The following DAP3 variants were observed in gnomAD, a reference collection of about 807,000 sequenced individuals.
DAP3 encodes small ribosomal subunit protein mS29.
A neutral mutation model predicts 51.9 loss-of-function variants in DAP3; 28 were observed. That is an observed-to-expected ratio of 0.54 (90% CI 0.40 to 0.74). DAP3 has a LOEUF of 0.74. Ranked by LOEUF, DAP3 falls within the 30% of genes least tolerant of loss-of-function variation. DAP3 has a pLI of 0.00. For missense variants in DAP3, 458 were observed against 483.5 expected (o/e 0.95, Z 0.49); for synonymous variants, 170 against 170.3 (o/e 1.00, Z 0.01).
At chr1:155,698,418 C>T (rs560077624) in intron 1 of DAP3, among the ~76,000 whole-genome samples, 11 of 152,272 alleles carry the variant, frequency 7.2e-5, no homozygotes, top group African/African-American at 2.4e-4. Context: ...TGGCTTCAGC[C>T]GGTCCCTCTG....
chr1:155,715,528 A>G (rs1044170717), intron 2 of DAP3, among the ~76,000 whole-genome samples: 17 of 150,270 alleles, frequency 1.1e-4, no homozygotes, highest in Non-Finnish European at 2.2e-4. Context: ...TCTTAAAAAA[A>G]AGAGAGAGAG....
intron 1 of DAP3, among the ~76,000 whole-genome samples, chr1:155,704,455 T>C (rs1202638776): frequency 6.6e-6 from 1 of 152,142 alleles, no homozygotes. Context: ...GTAGTGGTTG[T>C]GCCGGGGAGC....
At chr1:155,706,245 G>A (rs1655951174) in intron 1 of DAP3, among the ~76,000 whole-genome samples, 1 of 152,054 alleles carries the variant, frequency 6.6e-6, no homozygotes, top group African/African-American at 2.4e-5. Flanking sequence ...GGCTCAAGCA[G>A]TCTTCTCATC....
intron 3 of DAP3, among the ~76,000 whole-genome samples, chr1:155,717,537 T>C (rs574445693): frequency 2.0e-5 from 3 of 152,348 alleles, no homozygotes; most frequent in Non-Finnish European, 2.9e-5. Flanking sequence ...TGGACTGAGA[T>C]GATCTGTCAC....
rs560216710 is a variant in DAP3 at position 155,717,028 on chromosome 1, A to C, written c.68A>C (p.His23Pro). ...IHKLDPGRFL[H>P]MGTQARQSIA... is the part of the protein sequence containing the mutation. ...TAGTTGGACCCTGGGCGTTTTTTAC[A>C]CATGGGGACCCAGGCTCGCCAAAGC... The change falls in exon 3 of 13, where the codon CAC (histidine) becomes CCC (proline). Residue 23 changes from histidine to proline, a missense_variant. His to Pro is a moderately conservative substitution (Grantham distance 77, BLOSUM62 -2). Coordinates refer to ENST00000368336, the MANE Select transcript of DAP3 (RefSeq NM_004632.4). 1.9e-6 allele frequency: 3 copies of C among 1,613,904 alleles called. No homozygotes were observed. In the East Asian group the frequency reaches 6.7e-5, roughly 36 times the overall value.
chr1:155,709,111 G>T (rs536382228), intron 1 of DAP3: 1 of 152,046 alleles, frequency 6.6e-6, no homozygotes, highest in Admixed American at 6.5e-5. Flanking sequence ...ACCTCCCAAA[G>T]TGCTGGGATT....
chr1:155,729,221 T>C lies in DAP3; in HGVS notation c.698T>C (p.Val233Ala). The change falls in exon 9 of 13, where the codon GTG becomes GCG. Residue 233 changes from valine to alanine, a missense_variant. Physicochemically the swap from Val to Ala is moderately conservative, Grantham distance 64 (BLOSUM62 0). Coordinates refer to ENST00000368336, the MANE Select transcript of DAP3 (RefSeq NM_004632.4). Reference sequence around the variant, plus strand: ...CTCTCCCAATAGGGCATAACACGGGTGAGGAACGCCACAGATGCAGTTGGA... The same window carrying C: ...CTCTCCCAATAGGGCATAACACGGGCGAGGAACGCCACAGATGCAGTTGGA... ...GEVVEQGITR[V>A]RNATDAVGIV... is the part of the protein sequence containing the mutation. 6.2e-7 allele frequency: 1 copy of C among 1,614,016 alleles called. No individual in the cohort carries two copies. Among genetic ancestry groups the C allele is most frequent in the African/African-American group, 1.3e-5 (1 of 74,960 alleles).
At chr1:155,714,626 G>A (rs551276196) in intron 2 of DAP3, among the ~76,000 whole-genome samples, 3 of 152,102 alleles carry the variant, frequency 2.0e-5, no homozygotes, top group South Asian at 2.1e-4. Flanking sequence ...TTAGTCAGGC[G>A]TGATGGCGGG....
chr1:155,717,226 A>C (rs1657447881), intron 3 of DAP3, 98 bp downstream of exon 3: 1 of 1,552,928 alleles, frequency 6.4e-7, no homozygotes, highest in South Asian at 1.2e-5. Flanking sequence ...GAAGCTTAGT[A>C]GATTTGCATT....
intron 1 of DAP3, among the ~76,000 whole-genome samples, chr1:155,704,735 T>G (rs1319424336): frequency 1.3e-5 from 2 of 152,094 alleles, no homozygotes; most frequent in African/African-American, 4.8e-5. Context: ...ATCCCAATAC[T>G]TTGGGGGGCT....
At chr1:155,721,445 C>CATAGA in intron 3 of DAP3, 72 bp from the exon 4 acceptor site, 1 of 1,272,082 alleles carries the variant, frequency 7.9e-7, no homozygotes. Flanking sequence ...TATACACACA[C>CATAGA]ATAGATAAGA....
chr1:155,708,540 G>GTTTT (rs151238139), intron 1 of DAP3, among the ~76,000 whole-genome samples: 6 of 103,254 alleles, frequency 5.8e-5, no homozygotes, highest in Non-Finnish European at 1.1e-4. Context: ...TTCTGTTTTT[G>GTTTT]TTTTTTTTTT....
intron 1 of DAP3, among the ~76,000 whole-genome samples, chr1:155,706,178 C>T (rs534841938): frequency 9.3e-4 from 141 of 152,102 alleles, no homozygotes; most frequent in African/African-American, 3.3e-3. Flanking sequence ...TAATTTTTTT[C>T]TTTTGTTTGT....
rs182477303 is a variant in DAP3, at chr1:155,699,741, G to A, written c.-7-10032G>A. Among the ~76,000 whole-genome samples, 3 of 151,488 alleles carry A rather than the reference G, an allele frequency of 2.0e-5. No individual in the cohort carries two copies. The East Asian group carries it at 5.9e-4, about 30-fold the overall frequency. ...TGATCCTCCCACTTTAGCCTCCCAA[G>A]TAGCTAGGACCACAGGCTCACACCA... On this transcript the variant is annotated intron_variant, in intron 1 of 12. Coordinates refer to ENST00000368336, the MANE Select transcript of DAP3 (RefSeq NM_004632.4).
chr1:155,701,698 A>G (rs1366562169), intron 1 of DAP3, among the ~76,000 whole-genome samples: 1 of 151,410 alleles, frequency 6.6e-6, no homozygotes, highest in Non-Finnish European at 1.5e-5. Context: ...TAAAAAAAAA[A>G]AAAAAAGAAA....
rs563180008 is a variant in DAP3, at chr1:155,738,373, G to A, written c.*131G>A. The A allele has an allele frequency of 2.3e-6, 2 of 855,232 alleles. No homozygotes were observed. Among genetic ancestry groups the A allele is most frequent in the East Asian group, 2.7e-5 (1 of 36,832 alleles). The allele number at this position is 855,232 out of a possible 1,614,324, so 53.0% of individuals were successfully genotyped here. The stretch of plus-strand genomic sequence containing the variant: ...ACCTATGGGATTGGACAGGACTGCA[G>A]TTGGCTCTGGACCTGCATTAAAATG... On this transcript the variant is annotated 3_prime_UTR_variant, in exon 13 of 13. Transcript: ENST00000368336.
chr1:155,723,742 A>T (rs1658254724), intron 4 of DAP3, among the ~76,000 whole-genome samples: 1 of 152,194 alleles, frequency 6.6e-6, no homozygotes, highest in Admixed American at 6.6e-5. Context: ...GATTTCTTTT[A>T]AAAATATCAA....
At chr1:155,723,092 C>T (rs982846229) in intron 4 of DAP3, among the ~76,000 whole-genome samples, 2 of 151,606 alleles carry the variant, frequency 1.3e-5, no homozygotes, top group Admixed American at 6.6e-5. Context: ...TTAAATACTG[C>T]TCCTTTTGGA....
chr1:155,721,694 A>G (rs1361090717), intron 4 of DAP3, 76 bp downstream of exon 4: 1 of 1,388,054 alleles, frequency 7.2e-7, no homozygotes. Flanking sequence ...GGGCTAAATG[A>G]GAAGAAAATT....
Sources: allele counts gnomAD v4.1 joint callset (sites outside exome capture counted in the v4.1 genomes callset), GRCh38; gene constraint gnomAD v4.1.1; transcripts MANE v1.5; gene names NCBI Gene and HGNC (gene_info 2026-07-23, HGNC 2026-07-21).